Variants in IWS1 observed in about 807,000 individuals in gnomAD.
The protein encoded by IWS1 is protein IWS1 homolog.
IWS1 carries 27 observed loss-of-function variants against 86.7 expected under a neutral mutation model. That is an observed-to-expected ratio of 0.31 (90% CI 0.23 to 0.43). IWS1 has a LOEUF of 0.43. IWS1 is among the 20% of genes least tolerant of loss of function. The probability of loss-of-function intolerance (pLI) is 1.00; values close to 1 mark genes in which losing one functional copy is unlikely to be tolerated. For missense variants in IWS1, 827 were observed against 1,000.8 expected (o/e 0.83, Z 2.34); for synonymous variants, 313 against 335.1 (o/e 0.93, Z 0.72).
intron 2 of IWS1, among the ~76,000 whole-genome samples, chr2:127,519,995 TG>T (rs1692000744): frequency 6.6e-6 from 1 of 152,172 alleles, no homozygotes; most frequent in Admixed American, 6.5e-5. Context: ...AACACAGCCC[TG>T]GGACACCTTG....
chr2:127,508,242 G>A (rs572822410), intron 2 of IWS1, among the ~76,000 whole-genome samples: 1 of 152,262 alleles, frequency 6.6e-6, no homozygotes, highest in East Asian at 1.9e-4. Flanking sequence ...TGTCTGATGA[G>A]GAGCCAGCCA....
At position 127,505,098 on chromosome 2, in the gene IWS1, G is replaced by A; in HGVS notation, c.805C>T (p.Pro269Ser). 1 of 1,610,590 alleles carries A rather than the reference G, an allele frequency of 6.2e-7. No individual in the cohort carries two copies. Among genetic ancestry groups the A allele is most frequent in the Non-Finnish European group, 8.5e-7 (1 of 1,178,090 alleles). ...QASDSENEELPKPRISDSESE... is the reference protein window; with the variant it reads ...QASDSENEELSKPRISDSESE... ...TCCGAATCACTGATTCGGGGTTTGG[G>A]AAGCTCTTCATTTTCTGAGTCACTG... The change falls in exon 3 of 14, where the codon CCC becomes TCC. Residue 269 changes from proline (P) to serine (S), a missense_variant. By Grantham distance (74) the Pro-to-Ser change is moderately conservative. This residue lies in a region of IWS1 where 548 missense variants were observed against 560.2 expected (regional missense o/e 0.98). Transcript: ENST00000295321. The surrounding 1 kb of genome is among the most constrained non-coding windows in gnomAD (Gnocchi z 5.0).
intron 12 of IWS1, 147 bp from the exon 13 acceptor site, chr2:127,486,811 A>C (rs1573502532): frequency 3.1e-6 from 2 of 642,278 alleles, no homozygotes; most frequent in South Asian, 1.8e-5. Flanking sequence ...CACCCAATCC[A>C]CCCTCCTGCC....
intron 10 of IWS1, among the ~76,000 whole-genome samples, chr2:127,491,213 A>G (rs933082357): frequency 6.6e-6 from 1 of 152,244 alleles, no homozygotes; most frequent in African/African-American, 2.4e-5. Flanking sequence ...ACTATGTGCT[A>G]AGCACCGTGC....
intron 12 of IWS1, 37 bp from the exon 13 acceptor site, chr2:127,486,701 G>A (rs1302137596): frequency 6.5e-7 from 1 of 1,530,368 alleles, no homozygotes; most frequent in Admixed American, 1.7e-5. Flanking sequence ...CTTCTTATGT[G>A]GCCAGCCACA....
chr2:127,523,569 A>G (rs1692225590), intron 2 of IWS1, 107 bp downstream of exon 2: 1 of 720,270 alleles, frequency 1.4e-6, no homozygotes, highest in African/African-American at 1.8e-5. Context: ...TTACTCTCAG[A>G]GATTAAACCC....
chr2:127,514,281 T>C (rs1396978396), intron 2 of IWS1: 2 of 154,482 alleles, frequency 1.3e-5, no homozygotes, highest in Non-Finnish European at 2.9e-5. Context: ...TCACTCTCGG[T>C]TGTCCGTGTA....
intron 6 of IWS1, among the ~76,000 whole-genome samples, chr2:127,497,275 G>C (rs554565756): frequency 1.3e-4 from 20 of 152,298 alleles, no homozygotes; most frequent in South Asian, 1.0e-3. Flanking sequence ...CTATCAGTTT[G>C]AGAAAGTACA....
chr2:127,505,057 T>C lies in IWS1; in HGVS notation c.846A>G (p.Pro282=), dbSNP rs1691049005. 1.2e-6 allele frequency: 2 copies of C among 1,611,712 alleles called. No individual in the cohort carries two copies. The highest frequency in any genetic ancestry group is 4.5e-5 in the East Asian group (2 of 44,862). ...RISDSESEDP[P]RNQASDSENE... is the part of the protein sequence containing the mutation. ...TTTCCGAATCACTGGCCTGGTTCCT[T>C]GGGGGATCCTCACTTTCCGAATCAC... Residue 282 remains proline, a synonymous_variant, in exon 3 of 14, where the codon CCA becomes CCG. Coordinates refer to ENST00000295321, the MANE Select transcript of IWS1 (RefSeq NM_017969.3). This position sits in a 1 kb window ranked among gnomAD's most constrained non-coding sequence, Gnocchi z 5.0.
chr2:127,516,992 T>C (rs1353925917), intron 2 of IWS1, among the ~76,000 whole-genome samples: 2 of 152,134 alleles, frequency 1.3e-5, no homozygotes, highest in East Asian at 3.8e-4. Flanking sequence ...ACAATATGAA[T>C]ATGAAATTAG....
chr2:127,516,925 G>T (rs553345299), intron 2 of IWS1, among the ~76,000 whole-genome samples: 4 of 152,242 alleles, frequency 2.6e-5, no homozygotes, highest in Admixed American at 6.5e-5. Flanking sequence ...AATATACAAG[G>T]TTTGTTCCCC....
chr2:127,486,028 A>G (rs1009410405), intron 13 of IWS1: 1 of 153,930 alleles, frequency 6.5e-6, no homozygotes, highest in African/African-American at 2.4e-5. Flanking sequence ...TTTTAAGAAT[A>G]CCAGGCTAGA....
At chr2:127,481,222 G>T in intron 13 of IWS1, 47 bp from the exon 14 acceptor site, 1 of 1,526,790 alleles carries the variant, frequency 6.5e-7, no homozygotes. Context: ...AAATACGTAA[G>T]TCTAGTTATG....
At position 127,526,451 on chromosome 2, in the gene IWS1, C is replaced by T; in HGVS notation, c.-243G>A. On this transcript the variant is annotated 5_prime_UTR_variant, in exon 1 of 14. Transcript: ENST00000295321. ...GCGGGCAGGCATGCGAGCCGGCGTT[C>T]TACTTCCTAGAAGCACCGCTGGGGC... 6.5e-7 allele frequency: 1 copy of T among 1,534,322 alleles called. No homozygotes were observed. Among genetic ancestry groups the T allele is most frequent in the East Asian group, 2.5e-5 (1 of 40,406 alleles).
Position 127,499,095 on chromosome 2 carries a change from C to T in IWS1, c.1468-858G>A, listed in dbSNP as rs200990621. 1.4e-5 allele frequency among the ~76,000 whole-genome samples: 2 copies of T among 143,810 alleles called. No homozygotes were observed. The highest frequency in any genetic ancestry group is 3.0e-5 in the Non-Finnish European group (2 of 66,230). 94.3% of individuals were successfully genotyped at this position (143,810 alleles called of 152,430 possible). ...TTTGCCAGGCATAATTTTTCTTTTT[C>T]TTTTTTTTTTTTTGAGACGGAGTCT... On this transcript the variant is annotated intron_variant, in intron 5 of 13. Transcript: ENST00000295321. This position sits in a 1 kb window ranked among gnomAD's most constrained non-coding sequence, Gnocchi z 4.0.
chr2:127,497,122 G>A (rs540614222), intron 6 of IWS1, among the ~76,000 whole-genome samples: 4 of 152,270 alleles, frequency 2.6e-5, no homozygotes, highest in South Asian at 4.2e-4. Flanking sequence ...GTTGTTAAGC[G>A]ACGCATGACT....
At chr2:127,493,522 A>G in intron 8 of IWS1, 112 bp from the exon 9 acceptor site, 1 of 962,298 alleles carries the variant, frequency 1.0e-6, no homozygotes. Context: ...AGCGTTACTC[A>G]TATAAATTTG....
chr2:127,504,910 A>G lies in IWS1; in HGVS notation c.993T>C (p.Asp331=), dbSNP rs752465372. 1 of 1,614,096 alleles carries G rather than the reference A, an allele frequency of 6.2e-7. No homozygotes were observed. Among genetic ancestry groups the G allele is most frequent in the Non-Finnish European group, 8.5e-7 (1 of 1,180,020 alleles). The change falls in exon 3 of 14, where the codon GAT becomes GAC. Residue 331 remains aspartate, a synonymous_variant. Coordinates refer to ENST00000295321, the MANE Select transcript of IWS1 (RefSeq NM_017969.3). ...CTCCCTTATTCTCCCTGTCGCTGTC[A>G]TCATCTGACTCTGGCTTCTGTTTGT... ...SRHKQKPESD[D]DSDRENKGED...
At position 127,504,760 on chromosome 2, in the gene IWS1, T is replaced by C; in HGVS notation, c.1143A>G (p.Glu381=). The change falls in exon 3 of 14, where the codon GAA becomes GAG. Residue 381 remains glutamate, a synonymous_variant. Transcript: ENST00000295321. ...CTACTTTCTCCTCCTCACCCTCTTT[T>C]TCATCTTCATCACTGTCCATTTTTT... ...KKQKMDSDED[E]KEGEEEKVAK... is the part of the protein sequence containing the mutation. 1.2e-6 allele frequency: 2 copies of C among 1,614,142 alleles called. No individual in the cohort carries two copies. The highest frequency in any genetic ancestry group is 1.7e-6 in the Non-Finnish European group (2 of 1,180,014).
Sources: allele counts gnomAD v4.1 joint callset (sites outside exome capture counted in the v4.1 genomes callset), GRCh38; gene constraint gnomAD v4.1.1; regional missense constraint gnomAD v4.1.1; non-coding constraint Gnocchi (gnomAD v3.1); transcripts MANE v1.5; gene names NCBI Gene and HGNC (gene_info 2026-07-23, HGNC 2026-07-21).